The following CDK15 variants were observed in gnomAD, a reference collection of about 807,000 sequenced individuals.
CDK15 encodes the protein cyclin dependent kinase 15.
In CDK15, 62 loss-of-function variants were observed where a neutral mutation model predicts 60.3. That is an observed-to-expected ratio of 1.03 (90% confidence interval 0.84 to 1.27). The LOEUF (loss-of-function observed/expected upper bound fraction) is 1.27. Ranked by LOEUF, CDK15 falls within the 50% of genes most tolerant of loss-of-function variation. The pLI is 0.00. For missense variants in CDK15, 541 were observed against 527.8 expected (o/e 1.03, Z -0.25); for synonymous variants, 194 against 195.7 (o/e 0.99, Z 0.07).
At chr2:201,843,099 A>G (rs979369564) in intron 8 of CDK15, among the ~76,000 whole-genome samples, 1 of 152,256 alleles carries the variant, frequency 6.6e-6, no homozygotes, top group African/African-American at 2.4e-5. Context: ...AATAGATGAT[A>G]GCCACATGAC....
chr2:201,895,261 G>A lies in CDK15; in HGVS notation c.*1994G>A, dbSNP rs1273077784. 1 of 152,174 alleles carries A rather than the reference G, an allele frequency of 6.6e-6. No homozygotes were observed. Among genetic ancestry groups the A allele is most frequent in the East Asian group, 1.9e-4 (1 of 5,188 alleles). 9.4% of individuals were successfully genotyped at this position (152,174 alleles called of 1,614,324 possible). A position where few individuals can be genotyped will look rare whatever the true frequency, so the allele number is the denominator to read the frequency against. ...AATGACTTTGGAACAGCTGTGTACA[G>A]ATTATACTTGGAATTATGCTTAGAT... is the stretch of plus-strand genomic sequence containing the variant. On this transcript the variant is annotated 3_prime_UTR_variant, in exon 14 of 14. Coordinates refer to ENST00000652192, the MANE Select transcript of CDK15 (RefSeq NM_001366386.2).
At chr2:201,860,132 G>A (rs1698324585) in intron 10 of CDK15, among the ~76,000 whole-genome samples, 1 of 152,180 alleles carries the variant, frequency 6.6e-6, no homozygotes, top group Admixed American at 6.5e-5. Flanking sequence ...CTTAAACACG[G>A]TTTTTGAAAG....
At chr2:201,819,225 T>A (rs1226960406) in intron 4 of CDK15, among the ~76,000 whole-genome samples, 1 of 151,990 alleles carries the variant, frequency 6.6e-6, no homozygotes, top group Non-Finnish European at 1.5e-5. Flanking sequence ...CCTATATGTA[T>A]CACTTGAGCG....
intron 11 of CDK15, among the ~76,000 whole-genome samples, chr2:201,875,069 A>T (rs138374828): frequency 0.012 from 1,845 of 152,286 alleles, 17 homozygotes; most frequent in Admixed American, 0.021. Context: ...AGATTTTAGT[A>T]GTATGGAGTG....
intron 11 of CDK15, among the ~76,000 whole-genome samples, chr2:201,874,441 C>A (rs906468916): frequency 1.2e-4 from 18 of 152,094 alleles, no homozygotes; most frequent in African/African-American, 4.3e-4. Flanking sequence ...TTAATCCTTA[C>A]AAATATCATT....
At chr2:201,840,851 G>T (rs11681171) in intron 8 of CDK15, among the ~76,000 whole-genome samples, 10,793 of 152,132 alleles carry the variant, frequency 0.071, 537 homozygotes, top group Non-Finnish European at 0.1. Flanking sequence ...TCTCTAGGAG[G>T]TGTCCAGTGT....
intron 12 of CDK15, chr2:201,888,392 T>C (rs919755069): frequency 7.6e-5 from 116 of 1,526,510 alleles, no homozygotes; most frequent in Non-Finnish European, 9.7e-5. Flanking sequence ...CTGCCGACTG[T>C]CTAGATGACT....
At chr2:201,872,873 GT>G (rs1698911170) in intron 11 of CDK15, among the ~76,000 whole-genome samples, 1 of 152,220 alleles carries the variant, frequency 6.6e-6, no homozygotes, top group Non-Finnish European at 1.5e-5. Flanking sequence ...AGAACTCAGT[GT>G]TTTCGGACAA....
At chr2:201,877,869 T>C (rs1418426586) in intron 11 of CDK15, among the ~76,000 whole-genome samples, 1 of 152,254 alleles carries the variant, frequency 6.6e-6, no homozygotes, top group African/African-American at 2.4e-5. Flanking sequence ...GTTTCATGTC[T>C]TGGGAATCAA....
chr2:201,839,677 G>GACAA (rs1697284833), intron 8 of CDK15, among the ~76,000 whole-genome samples: 1 of 144,238 alleles, frequency 6.9e-6, no homozygotes, highest in East Asian at 2.2e-4. Flanking sequence ...CAGACAGACA[G>GACAA]ACAGACAGAC....
At chr2:201,870,854 A>G (rs1270727983) in intron 10 of CDK15, among the ~76,000 whole-genome samples, 1 of 152,242 alleles carries the variant, frequency 6.6e-6, no homozygotes, top group East Asian at 1.9e-4. Context: ...TTTGATAAAG[A>G]GCATCCATCA....
Position 201,827,513 on chromosome 2 carries a change from G to A in CDK15, c.606+3786G>A, listed in dbSNP as rs77771657. ...TCATTAGTCATTAAGTTTGAGTTGA[G>A]AGAAAATAATATGATCAGAAGAAAT... On this transcript the variant is annotated intron_variant, in intron 6 of 13. Coordinates refer to ENST00000652192, the MANE Select transcript of CDK15 (RefSeq NM_001366386.2). Among the ~76,000 whole-genome samples, 400 of 152,266 alleles carry A rather than the reference G, an allele frequency of 2.6e-3. 13 individuals carry two copies. In the East Asian group the frequency reaches 0.062, roughly 24 times the overall value.
chr2:201,846,097 C>T (rs749774452), intron 8 of CDK15, among the ~76,000 whole-genome samples: 1 of 152,080 alleles, frequency 6.6e-6, no homozygotes, highest in African/African-American at 2.4e-5. Context: ...AATCAGGATG[C>T]ACCTTATAAT....
At chr2:201,862,682 C>T (rs2105801503) in intron 10 of CDK15, among the ~76,000 whole-genome samples, 1 of 152,242 alleles carries the variant, frequency 6.6e-6, no homozygotes, top group Non-Finnish European at 1.5e-5. Flanking sequence ...GATGAGAGAG[C>T]TGAGGCTTTG....
At chr2:201,852,547 G>A (rs1697958319) in intron 9 of CDK15, among the ~76,000 whole-genome samples, 1 of 152,148 alleles carries the variant, frequency 6.6e-6, no homozygotes. Context: ...TCTAAAATCA[G>A]AATAAACTAT....
intron 12 of CDK15, chr2:201,888,842 A>G (rs1003762598): frequency 1.9e-6 from 2 of 1,073,906 alleles, no homozygotes; most frequent in African/African-American, 3.3e-5. Context: ...TCCCCGAGAG[A>G]AGTTCCCCAA....
chr2:201,853,065 A>G (rs1697983463), intron 9 of CDK15, among the ~76,000 whole-genome samples: 1 of 152,214 alleles, frequency 6.6e-6, no homozygotes, highest in Admixed American at 6.5e-5. Flanking sequence ...GTATGGGTAC[A>G]TGTGACTCAC....
rs1322870161 is a variant in CDK15, at chr2:201,819,886, C to T, written c.449-2923C>T. Among the ~76,000 whole-genome samples the T allele has an allele frequency of 2.0e-5, 3 of 152,212 alleles. No homozygotes were observed. The East Asian group carries it at 5.8e-4, about 29-fold the overall frequency. On this transcript the variant is annotated intron_variant, in intron 4 of 13. Transcript: ENST00000652192. ...AAATACAAAACAGACATTTTTCCTA[C>T]TCCTACAAAAACTGTAATTATCAAG...
chr2:201,873,187 C>T (rs1042664347), intron 11 of CDK15, among the ~76,000 whole-genome samples: 21 of 152,202 alleles, frequency 1.4e-4, no homozygotes, highest in East Asian at 1.9e-4. Context: ...AAAGCCTCCA[C>T]GTAGAATAAA....
Sources: gnomAD v4.1 joint callset for allele counts (sites outside exome capture counted in the v4.1 genomes callset) on GRCh38, gnomAD v4.1.1 for gene constraint, MANE v1.5 for transcripts, NCBI Gene and HGNC (gene_info 2026-07-23, HGNC 2026-07-21) for gene names.